TTC13: variants seen among roughly 807,000 people sequenced by gnomAD.
TTC13 encodes tetratricopeptide repeat domain 13, also known as tetratricopeptide repeat protein 13.
In TTC13, 62 loss-of-function variants were observed where a neutral mutation model predicts 120.0. That is an observed-to-expected ratio of 0.52 (90% CI 0.42 to 0.64). The LOEUF (loss-of-function observed/expected upper bound fraction) is 0.64, where lower values mean the gene tolerates loss of function less well. TTC13 is among the 30% of genes least tolerant of loss of function. The probability of loss-of-function intolerance (pLI) is 0.00; values close to 1 mark genes in which losing one functional copy is unlikely to be tolerated. For synonymous variants in TTC13, 384 were observed against 393.5 expected, an observed-to-expected ratio of 0.98 and a Z score of 0.28; for missense variants, 824 against 1,050.2, an observed-to-expected ratio of 0.78 and a Z score of 2.98.
At chr1:230,952,851 A>C (rs1048442598) in intron 4 of TTC13, among the ~76,000 whole-genome samples, 4 of 152,234 alleles carry the variant, frequency 2.6e-5, no homozygotes, top group Non-Finnish European at 5.9e-5. Flanking sequence ...ACAATGTTAA[A>C]GTGGCAGAAT....
chr1:230,959,262 T>C (rs188362087), intron 2 of TTC13, among the ~76,000 whole-genome samples: 36 of 152,280 alleles, frequency 2.4e-4, no homozygotes, highest in African/African-American at 8.2e-4. Context: ...AATGAAATTC[T>C]ACAAAAAGAA....
At chr1:230,920,778 C>A (rs775824854) in intron 16 of TTC13, among the ~76,000 whole-genome samples, 184 bp from the exon 17 acceptor site, 1 of 152,054 alleles carries the variant, frequency 6.6e-6, no homozygotes, top group Non-Finnish European at 1.5e-5. Context: ...TTTTGGACTG[C>A]AGATGAAAAT....
intron 1 of TTC13, among the ~76,000 whole-genome samples, chr1:230,972,457 C>T: frequency 6.6e-6 from 1 of 152,212 alleles, no homozygotes; most frequent in East Asian, 1.9e-4. Context: ...AATTCTGCCG[C>T]TTTGATAAAT....
At chr1:230,928,430 T>C (rs1673238054) in intron 12 of TTC13, among the ~76,000 whole-genome samples, 2 of 152,350 alleles carry the variant, frequency 1.3e-5, no homozygotes, top group South Asian at 2.1e-4. Context: ...TTATTGTATA[T>C]TGATTATAAA....
intron 4 of TTC13, among the ~76,000 whole-genome samples, chr1:230,949,148 C>G (rs556523981): frequency 3.9e-5 from 6 of 151,978 alleles, no homozygotes; most frequent in African/African-American, 1.4e-4. Context: ...CTAGGAATAG[C>G]AAGCAAAAAC....
Position 230,924,989 on chromosome 1 carries a change from A to T in TTC13, c.1589-16T>A, listed in dbSNP as rs1393211003. 6.2e-7 allele frequency: 1 copy of T among 1,614,164 alleles called. No individual in the cohort carries two copies. Among genetic ancestry groups the T allele is most frequent in the Non-Finnish European group, 8.5e-7 (1 of 1,180,006 alleles). On this transcript the variant is annotated splice_polypyrimidine_tract_variant and intron_variant, in intron 13 of 22. Transcript: ENST00000366661. The stretch of plus-strand genomic sequence containing the variant: ...AAACCCATAGCTACGAGAAAGGAAT[A>T]TCGAGAAGAGTTAGTACACTTTAGA...
chr1:230,975,073 T>C, intron 1 of TTC13, among the ~76,000 whole-genome samples: 1 of 152,050 alleles, frequency 6.6e-6, no homozygotes, highest in East Asian at 1.9e-4. Context: ...GTTTGTAAAA[T>C]GGGGATTAAA....
chr1:230,951,570 T>C (rs1675584149), intron 4 of TTC13, among the ~76,000 whole-genome samples: 2 of 152,192 alleles, frequency 1.3e-5, no homozygotes, highest in African/African-American at 4.8e-5. Context: ...GGTTCTCAAG[T>C]GATATTTAGC....
intron 9 of TTC13, among the ~76,000 whole-genome samples, chr1:230,933,174 T>C (rs1224720763): frequency 3.3e-5 from 5 of 152,100 alleles, no homozygotes; most frequent in Admixed American, 2.6e-4. Flanking sequence ...GGTTTCACCA[T>C]GTTGGCCAGG....
intron 1 of TTC13, among the ~76,000 whole-genome samples, chr1:230,973,656 A>G (rs1677979981): frequency 1.3e-5 from 2 of 152,266 alleles, no homozygotes. Flanking sequence ...AGAAAACAAA[A>G]GTATTTTTAA....
chr1:230,946,738 C>T (rs1675038158), intron 4 of TTC13, among the ~76,000 whole-genome samples: 1 of 152,152 alleles, frequency 6.6e-6, no homozygotes, highest in Non-Finnish European at 1.5e-5. Context: ...ATCAGTTCAC[C>T]ACAGGGCCTA....
chr1:230,907,561 T>C (rs918825221), intron 22 of TTC13, among the ~76,000 whole-genome samples: 1 of 152,264 alleles, frequency 6.6e-6, no homozygotes, highest in Non-Finnish European at 1.5e-5. Flanking sequence ...AAGCAAGACC[T>C]TCGGCCTGGT....
chr1:230,939,497 C>T lies in TTC13; in HGVS notation c.790-1G>A. On this transcript the variant is annotated splice_acceptor_variant, in intron 7 of 22. Transcript: ENST00000366661. LOFTEE classifies it high-confidence loss of function. ...AGTCTTCATGGGCTGTTGCATAGTC[C>T]TACAAAAAGGAGAGTGGGGGGAAAA... The T allele has an allele frequency of 1.3e-6, 2 of 1,592,890 alleles. No homozygotes were observed. Among genetic ancestry groups the T allele is most frequent in the Non-Finnish European group, 8.6e-7 (1 of 1,164,274 alleles).
At chr1:230,929,206 T>C (rs1673316044) in intron 11 of TTC13, 113 bp from the exon 12 acceptor site, 2 of 1,170,746 alleles carry the variant, frequency 1.7e-6, no homozygotes, top group African/African-American at 3.1e-5. Flanking sequence ...ATAAGAATTC[T>C]AAAGAGTTTC....
Position 230,920,528 on chromosome 1 carries a change from G to C in TTC13, c.1965C>G (p.Asp655Glu). ...AAGTTACCTTCATAATCGGAAGAAG[G>C]TCTTCTACTTTGTGTACCTTTTCCA... ...EALEKVHKVEDLLPIMKQFNT... is the reference protein window; with the variant it reads ...EALEKVHKVEELLPIMKQFNT... The change falls in exon 17 of 23, where the codon GAC becomes GAG. Residue 655 changes from aspartate to glutamate, a missense_variant. Asp to Glu is a conservative substitution (Grantham distance 45). Transcript: ENST00000366661. 6.2e-7 allele frequency: 1 copy of C among 1,611,858 alleles called. No homozygotes were observed. The highest frequency in any genetic ancestry group is 1.3e-5 in the African/African-American group (1 of 74,974).
rs1386253605 is a variant in TTC13, at chr1:230,958,753, G to A, written c.367-454C>T. On this transcript the variant is annotated intron_variant, in intron 2 of 22. Transcript: ENST00000366661. ...CGCCTTTAATTCCAGCACTTTGGGA[G>A]ACCAAGGTAGGAAGATCACTTGAGC... Among the ~76,000 whole-genome samples, 4 of 152,332 alleles carry A rather than the reference G, an allele frequency of 2.6e-5. No individual in the cohort carries two copies. In the East Asian group the frequency reaches 5.8e-4, roughly 22 times the overall value.
intron 11 of TTC13, among the ~76,000 whole-genome samples, chr1:230,930,639 G>A (rs188227855): frequency 9.2e-5 from 14 of 152,352 alleles, no homozygotes; most frequent in South Asian, 4.1e-4. Flanking sequence ...GTAAGAACCA[G>A]CTGGGCGTGG....
intron 4 of TTC13, among the ~76,000 whole-genome samples, chr1:230,949,159 C>T (rs1004951508): frequency 3.3e-5 from 5 of 151,732 alleles, no homozygotes; most frequent in African/African-American, 1.2e-4. Flanking sequence ...AAGCAAAAAC[C>T]AACACAGAAG....
chr1:230,920,719 A>G, intron 16 of TTC13, 125 bp from the exon 17 acceptor site: 1 of 537,384 alleles, frequency 1.9e-6, no homozygotes, highest in East Asian at 3.3e-5. Context: ...TCAAAATGGT[A>G]GGCCACAAAT....
Sources: gnomAD v4.1 joint callset for allele counts (sites outside exome capture counted in the v4.1 genomes callset) on GRCh38, gnomAD v4.1.1 for gene constraint, MANE v1.5 for transcripts, NCBI Gene and HGNC (gene_info 2026-07-23, HGNC 2026-07-21) for gene names.